Variants in SNTG1 observed in about 807,000 individuals in gnomAD.
The protein encoded by SNTG1 is syntrophin gamma 1.
Under a neutral mutation model 74.7 loss-of-function variants are expected in SNTG1, and 39 were observed. The observed-to-expected ratio is 0.52, with a 90% CI of 0.40 to 0.68. SNTG1 has a LOEUF of 0.68. Among genes scored for constraint, SNTG1 ranks in the 30% least tolerant of loss-of-function variants. The probability of loss-of-function intolerance (pLI) is 0.00; values close to 1 mark genes in which losing one functional copy is unlikely to be tolerated. For synonymous variants in SNTG1, 254 were observed against 217.1 expected (o/e 1.17, Z -1.49); for missense variants, 685 against 609.5 (o/e 1.12, Z -1.30).
At chr8:49,965,574 G>A (rs1186551565) in intron 1 of SNTG1, among the ~76,000 whole-genome samples, 3 of 152,184 alleles carry the variant, frequency 2.0e-5, no homozygotes. Context: ...CTAGGGAAAT[G>A]TGAAATCTCC....
At chr8:50,476,865 C>CAG (rs1279799046) in intron 8 of SNTG1, among the ~76,000 whole-genome samples, 1 of 151,352 alleles carries the variant, frequency 6.6e-6, no homozygotes, top group Admixed American at 6.6e-5. Context: ...CAGACACACA[C>CAG]ACACACACAC....
chr8:50,536,247 A>T (rs1167171404), intron 10 of SNTG1, among the ~76,000 whole-genome samples: 1 of 152,224 alleles, frequency 6.6e-6, no homozygotes, highest in Non-Finnish European at 1.5e-5. Flanking sequence ...CTGATAAATT[A>T]AAAACACTTA....
chr8:50,466,187 T>G (rs2093607154), intron 8 of SNTG1, among the ~76,000 whole-genome samples: 1 of 152,110 alleles, frequency 6.6e-6, no homozygotes, highest in South Asian at 2.1e-4. Context: ...CATTTTAAAT[T>G]TAGGTCTATT....
intron 1 of SNTG1, among the ~76,000 whole-genome samples, chr8:50,122,715 C>A (rs2081037868): frequency 7.1e-6 from 1 of 141,228 alleles, no homozygotes; most frequent in African/African-American, 2.6e-5. Flanking sequence ...CAAGAGGATG[C>A]ATTTAAAATA....
intron 1 of SNTG1, among the ~76,000 whole-genome samples, chr8:50,151,905 T>G (rs2082082242): frequency 6.6e-6 from 1 of 152,154 alleles, no homozygotes; most frequent in Non-Finnish European, 1.5e-5. Context: ...GGGTGGAGAG[T>G]TCCATAGATA....
intron 1 of SNTG1, among the ~76,000 whole-genome samples, chr8:50,136,664 A>C (rs2081485333): frequency 6.6e-6 from 1 of 152,170 alleles, no homozygotes; most frequent in Non-Finnish European, 1.5e-5. Context: ...CTTCCAGCCC[A>C]GCCTTCCTGA....
At position 49,986,100 on chromosome 8, in the gene SNTG1, A is replaced by T. The variant is rs867177345; in HGVS notation, c.-103+73869A>T. Among the ~76,000 whole-genome samples the T allele has an allele frequency of 3.4e-4, 51 of 152,236 alleles. 2 individuals carry two copies. The highest frequency in any genetic ancestry group is 1.0e-3 in the Admixed American group (16 of 15,282). On this transcript the variant is annotated intron_variant, in intron 1 of 18. Coordinates refer to ENST00000642720, the MANE Select transcript of SNTG1 (RefSeq NM_018967.5). ...TAGTTCTATTATAAAACATCCTAAA[A>T]ACTTTCAAAGCAAAAGTTGTGCTGA...
chr8:50,079,592 C>T (rs1300063326), intron 1 of SNTG1, among the ~76,000 whole-genome samples: 1 of 152,084 alleles, frequency 6.6e-6, no homozygotes, highest in East Asian at 1.9e-4. Context: ...TCAATTTTGG[C>T]TTTTGTTCCA....
intron 1 of SNTG1, among the ~76,000 whole-genome samples, chr8:49,944,373 T>C (rs1281774234): frequency 1.3e-5 from 2 of 151,928 alleles, no homozygotes; most frequent in Non-Finnish European, 2.9e-5. Flanking sequence ...TAAGAAGAAA[T>C]ATTTGGAAAA....
intron 13 of SNTG1, among the ~76,000 whole-genome samples, chr8:50,597,699 A>G (rs1158807576): frequency 1.3e-5 from 2 of 151,944 alleles, no homozygotes; most frequent in Non-Finnish European, 2.9e-5. Flanking sequence ...CCCTTTCTTC[A>G]CATCCTTTCC....
chr8:50,490,340 G>T (rs146009330), intron 8 of SNTG1, among the ~76,000 whole-genome samples: 8,203 of 152,186 alleles, frequency 0.054, 333 homozygotes, highest in South Asian at 0.18. Flanking sequence ...GAATAGCATT[G>T]AATCTATAAA....
chr8:50,527,532 GATT>G (rs1295058840), intron 9 of SNTG1, among the ~76,000 whole-genome samples: 1 of 151,846 alleles, frequency 6.6e-6, no homozygotes, highest in African/African-American at 2.4e-5. Flanking sequence ...GTATATATAT[GATT>G]ATTATTTGAT....
chr8:50,142,025 T>C (rs1276857637), intron 1 of SNTG1, among the ~76,000 whole-genome samples: 1 of 152,132 alleles, frequency 6.6e-6, no homozygotes, highest in East Asian at 1.9e-4. Context: ...TCACACTCTA[T>C]TTTTCTATAA....
intron 1 of SNTG1, among the ~76,000 whole-genome samples, chr8:50,059,564 T>C (rs1422693282): frequency 6.6e-6 from 1 of 152,132 alleles, no homozygotes; most frequent in Non-Finnish European, 1.5e-5. Flanking sequence ...ATGTGCCTAT[T>C]GTAAACAATT....
chr8:50,415,893 C>T (rs1157266050), intron 4 of SNTG1, among the ~76,000 whole-genome samples: 1 of 152,060 alleles, frequency 6.6e-6, no homozygotes, highest in Admixed American at 6.6e-5. Context: ...AAATGGATTG[C>T]TGTTAATGTA....
chr8:50,489,482 A>G (rs891742347), intron 8 of SNTG1, among the ~76,000 whole-genome samples: 1 of 152,154 alleles, frequency 6.6e-6, no homozygotes, highest in African/African-American at 2.4e-5. Flanking sequence ...CTGGTGTGAG[A>G]TGATATCTCA....
intron 15 of SNTG1, among the ~76,000 whole-genome samples, chr8:50,691,634 G>A (rs2095380056): frequency 6.6e-6 from 1 of 152,186 alleles, no homozygotes; most frequent in South Asian, 2.1e-4. Flanking sequence ...AGTCTGATGG[G>A]CTTCCCTTTG....
chr8:49,961,213 T>C (rs1157182952), intron 1 of SNTG1, among the ~76,000 whole-genome samples: 8 of 152,200 alleles, frequency 5.3e-5, no homozygotes, highest in Non-Finnish European at 1.2e-4. Context: ...CACTTTAAAA[T>C]AAATTTCTAT....
intron 1 of SNTG1, among the ~76,000 whole-genome samples, chr8:50,127,580 G>T (rs1429662533): frequency 6.6e-6 from 1 of 152,136 alleles, no homozygotes; most frequent in Non-Finnish European, 1.5e-5. Context: ...CAATTTTCCT[G>T]TAATAACTGC....
Sources: gnomAD v4.1 joint callset for allele counts (sites outside exome capture counted in the v4.1 genomes callset) on GRCh38, gnomAD v4.1.1 for gene constraint, MANE v1.5 for transcripts, NCBI Gene and HGNC (gene_info 2026-07-23, HGNC 2026-07-21) for gene names.